The following MUC22 variants were observed in gnomAD, a reference collection of about 807,000 sequenced individuals.
The protein encoded by MUC22 is mucin 22, also known as mucin-22.
MUC22 carries 24 observed loss-of-function variants against 40.3 expected under a neutral mutation model. That is an observed-to-expected ratio of 0.60 (90% confidence interval 0.43 to 0.84). The LOEUF is 0.84. MUC22 is among the 40% of genes least tolerant of loss of function. MUC22 has a pLI of 0.00. For synonymous variants in MUC22, 765 were observed against 844.5 expected, an observed-to-expected ratio of 0.91 and a Z score of 1.63; for missense variants, 1,926 against 2,130.7, an observed-to-expected ratio of 0.90 and a Z score of 1.89.
exon 2 of MUC22, chr6:31,027,623 C>T: frequency 6.5e-7 from 1 of 1,527,636 alleles, no homozygotes; most frequent in Non-Finnish European, 8.7e-7. Context: ...GCCTATACTA[C>T]AGGCTCTGAG....
At chr6:31,021,980 C>T (rs1250444324) in intron 1 of MUC22, among the ~76,000 whole-genome samples, 1 of 152,092 alleles carries the variant, frequency 6.6e-6, no homozygotes, top group African/African-American at 2.4e-5. Flanking sequence ...ACTCCTGAAG[C>T]CAGCGAGCCC....
exon 2 of MUC22, chr6:31,028,356 T>C: frequency 6.6e-7 from 1 of 1,523,274 alleles, no homozygotes; most frequent in Non-Finnish European, 8.8e-7. Flanking sequence ...CTGAGATTAC[T>C]ACAGCCTCCA....
chr6:31,028,599 A>T lies in MUC22; in HGVS notation c.3168A>T (p.Thr1056=), dbSNP rs1349992153. Residue 1056 remains threonine, a synonymous_variant, in exon 2 of 4, where the codon ACA becomes ACT. Coordinates refer to ENST00000561890, the Ensembl canonical transcript of MUC22. ...CCACTGCAAGCTCTAAAATGACCAC[A>T]GTCTTCACTGAAAACTCTGAGACCA... 11 of 1,534,266 alleles carry T rather than the reference A, an allele frequency of 7.2e-6. No homozygotes were observed. In the Admixed American group the frequency reaches 1.4e-4, roughly 19 times the overall value.
At chr6:31,021,030 G>A (rs1764679194) in intron 1 of MUC22, among the ~76,000 whole-genome samples, 1 of 103,288 alleles carries the variant, frequency 9.7e-6, no homozygotes, top group African/African-American at 3.7e-5. Flanking sequence ...CTGTGCGGCC[G>A]GAGCCTCCCC....
upstream of MUC22, chr6:31,010,417 A>G: frequency 5.4e-6 from 2 of 371,798 alleles, no homozygotes; most frequent in Non-Finnish European, 9.8e-6. Context: ...GAGGACCCAA[A>G]GTTCTGGCCT....
At chr6:31,008,046 A>G (rs902159697), upstream of MUC22, among the ~76,000 whole-genome samples, 3 of 152,212 alleles carry the variant, frequency 2.0e-5, no homozygotes, top group South Asian at 2.1e-4. Context: ...CAGAATTTCT[A>G]TGTCAGATGA....
intron 2 of MUC22, among the ~76,000 whole-genome samples, chr6:31,031,926 G>A (rs17190071): frequency 0.11 from 16,663 of 152,024 alleles, 1,106 homozygotes; most frequent in Middle Eastern, 0.17. Context: ...TGAACCCATC[G>A]CGATAACGTT....
In MUC22 at chr6:31,011,165, A is replaced by G. The variant is rs1581598196; in HGVS notation, c.70+389A>G. Among the ~76,000 whole-genome samples, 2 of 152,012 alleles carry G rather than the reference A, an allele frequency of 1.3e-5. No homozygotes were observed. Among genetic ancestry groups the G allele is most frequent in the East Asian group, 3.9e-4 (2 of 5,178 alleles). On this transcript the variant is annotated intron_variant, in intron 1 of 3. Coordinates refer to ENST00000561890, the Ensembl canonical transcript of MUC22. The surrounding 1 kb of genome is among the most constrained non-coding windows in gnomAD (Gnocchi z 4.5). Reference sequence around the variant, plus strand: ...AATTCCAAATTAAAACCAGGATCTCAGTCTAAAGTCAAGTAAAAATCCTTC... The same window carrying G: ...AATTCCAAATTAAAACCAGGATCTCGGTCTAAAGTCAAGTAAAAATCCTTC...
chr6:31,018,273 G>A (rs1019424585), intron 1 of MUC22, among the ~76,000 whole-genome samples: 1 of 152,224 alleles, frequency 6.6e-6, no homozygotes, highest in Non-Finnish European at 1.5e-5. Flanking sequence ...TTGAGTGGAA[G>A]GAGTGATCTG....
At chr6:31,022,261 G>A (rs1331415169) in intron 1 of MUC22, among the ~76,000 whole-genome samples, 3 of 152,144 alleles carry the variant, frequency 2.0e-5, no homozygotes, top group African/African-American at 7.2e-5. Context: ...GGGTTCAAGC[G>A]ATTTTCCTGC....
At chr6:31,018,079 TCACGGCGAGAGTC>T (rs1325870399) in intron 1 of MUC22, among the ~76,000 whole-genome samples, 1 of 152,218 alleles carries the variant, frequency 6.6e-6, no homozygotes, top group Non-Finnish European at 1.5e-5. Context: ...ACTGTGACAC[TCACGGCGAGAGTC>T]CACGGCTTCA....
chr6:31,020,175 A>C (rs916429915), intron 1 of MUC22, among the ~76,000 whole-genome samples: 1 of 152,216 alleles, frequency 6.6e-6, no homozygotes, highest in Non-Finnish European at 1.5e-5. Flanking sequence ...GTAATCAAAT[A>C]ACTAAAAATC....
chr6:31,028,615 T>C, exon 2 of MUC22: 1 of 1,534,708 alleles, frequency 6.5e-7, no homozygotes, highest in Admixed American at 2.0e-5. Context: ...CACTGAAAAC[T>C]CTGAGACCAC....
At chr6:31,024,150 GA>G (rs148913252) in intron 1 of MUC22, among the ~76,000 whole-genome samples, 22,078 of 152,156 alleles carry the variant, frequency 0.15, 1,756 homozygotes, top group African/African-American at 0.19. Flanking sequence ...TAAAAGTTAT[GA>G]AGATCAAAGG....
chr6:31,017,578 G>A (rs996630123), intron 1 of MUC22, among the ~76,000 whole-genome samples: 2 of 152,114 alleles, frequency 1.3e-5, no homozygotes, highest in Non-Finnish European at 2.9e-5. Flanking sequence ...CCTGTGTCTC[G>A]CTCAAGGTTT....
chr6:31,027,334 A>G (rs1227678509), exon 2 of MUC22: 7 of 1,529,974 alleles, frequency 4.6e-6, no homozygotes, highest in Non-Finnish European at 5.2e-6. Context: ...AGGCTCTGAG[A>G]CCACCACAGC....
At chr6:31,024,869 C>CTTTTT (rs10685711) in intron 1 of MUC22, among the ~76,000 whole-genome samples, 1 of 135,988 alleles carries the variant, frequency 7.4e-6, no homozygotes, top group African/African-American at 2.7e-5. Context: ...TTGCTGCCTT[C>CTTTTT]TTTTTTTTTT....
At position 31,025,826 on chromosome 6, in the gene MUC22, CCA is replaced by C; in HGVS notation, c.398_399del (p.Thr133SerfsTer17). The C allele has an allele frequency of 6.5e-7, 1 of 1,533,492 alleles. No individual in the cohort carries two copies. 95.0% of individuals were successfully genotyped at this position (1,533,492 alleles called of 1,614,324 possible). On this transcript the variant is annotated frameshift_variant, in exon 2 of 4. Transcript: ENST00000561890. LOFTEE classifies it high-confidence loss of function. ...GGCTCTGAAACTATCGTGGCCTCCA[CCA>C]CAGTCTCTGGGACCACAACAACCTT... is the stretch of plus-strand genomic sequence containing the variant.
In MUC22 at chr6:31,029,766, C is replaced by T. The variant is rs910178793; in HGVS notation, c.4335C>T (p.Thr1445=). 3.3e-5 allele frequency: 50 copies of T among 1,534,638 alleles called. No homozygotes were observed. The Admixed American group carries it at 9.6e-4, about 30-fold the overall frequency. The change falls in exon 2 of 4, where the codon ACC becomes ACT. Residue 1445 remains threonine, a synonymous_variant. Transcript: ENST00000561890. ...CAGCCTCCACTGCAGGCTCTGAGAC[C>T]ACCACAGCCTCCACTGCAGGCTCTG... is the stretch of plus-strand genomic sequence containing the variant.
Sources: allele counts gnomAD v4.1 joint callset (sites outside exome capture counted in the v4.1 genomes callset), GRCh38; gene constraint gnomAD v4.1.1; non-coding constraint Gnocchi (gnomAD v3.1); transcripts MANE v1.5; gene names NCBI Gene and HGNC (gene_info 2026-07-23, HGNC 2026-07-21).